The following FSTL5 variants were observed in gnomAD, a reference collection of about 807,000 sequenced individuals.
FSTL5 encodes the protein follistatin like 5.
A neutral mutation model predicts 89.1 loss-of-function variants in FSTL5; 62 were observed. The ratio of observed to expected loss-of-function variants is 0.70; its 90% CI spans 0.57 to 0.86. The LOEUF (loss-of-function observed/expected upper bound fraction) is 0.86, where lower values mean the gene tolerates loss of function less well. Ranked by LOEUF, FSTL5 falls within the 40% of genes least tolerant of loss-of-function variation. FSTL5 has a pLI of 0.00. For synonymous variants in FSTL5, 383 were observed against 346.2 expected (o/e 1.11, Z -1.18); for missense variants, 1,057 against 1,001.6 (o/e 1.06, Z -0.75).
At chr4:161,665,053 A>G (rs1736839006) in intron 6 of FSTL5, 1 of 152,386 alleles carries the variant, frequency 6.6e-6, no homozygotes, top group African/African-American at 2.4e-5. Flanking sequence ...AGATACAATT[A>G]AAGTTGAGAT....
intron 6 of FSTL5, among the ~76,000 whole-genome samples, chr4:161,667,984 C>A (rs1004919878): frequency 4.6e-5 from 7 of 151,168 alleles, no homozygotes; most frequent in Non-Finnish European, 7.4e-5. Flanking sequence ...ATAAAAAGAG[C>A]AAATTAAATC....
At chr4:161,990,808 T>G (rs1221848618) in intron 3 of FSTL5, among the ~76,000 whole-genome samples, 1 of 152,160 alleles carries the variant, frequency 6.6e-6, no homozygotes, top group Non-Finnish European at 1.5e-5. Flanking sequence ...ACTCCTGAAC[T>G]CTCTCTATTA....
At chr4:161,909,437 G>A (rs770285604) in intron 4 of FSTL5, among the ~76,000 whole-genome samples, 2 of 152,040 alleles carry the variant, frequency 1.3e-5, no homozygotes, top group Non-Finnish European at 2.9e-5. Flanking sequence ...ACACCACCGT[G>A]GAAGTCTATT....
At position 161,569,916 on chromosome 4, in the gene FSTL5, CAGA is replaced by C. The variant is rs1560958302; in HGVS notation, c.1015+17536_1015+17538del. On this transcript the variant is annotated intron_variant, in intron 8 of 15. Coordinates refer to ENST00000306100, the MANE Select transcript of FSTL5 (RefSeq NM_020116.5). ...GAGTTGGGGCCTAGCAATCTAACAA[CAGA>C]AGAACATGAAAAACCTCAGGGAGGG... is the stretch of plus-strand genomic sequence containing the variant. 3.9e-5 allele frequency among the ~76,000 whole-genome samples: 6 copies of C among 151,996 alleles called. No individual in the cohort carries two copies. In the South Asian group the frequency reaches 1.2e-3, roughly 32 times the overall value.
chr4:161,950,933 G>C (rs985155953), intron 3 of FSTL5, among the ~76,000 whole-genome samples: 2 of 151,878 alleles, frequency 1.3e-5, no homozygotes, highest in Non-Finnish European at 2.9e-5. Context: ...ATTACTACTT[G>C]ATATGGTTTG....
chr4:161,866,483 T>TGTGTGC (rs1553973511), intron 4 of FSTL5, among the ~76,000 whole-genome samples: 5 of 150,632 alleles, frequency 3.3e-5, no homozygotes, highest in Non-Finnish European at 7.4e-5. Flanking sequence ...TGTGTGTGTG[T>TGTGTGC]GTGTGTGTGT....
intron 7 of FSTL5, among the ~76,000 whole-genome samples, chr4:161,603,068 C>G (rs1734305810): frequency 6.6e-6 from 1 of 151,926 alleles, no homozygotes; most frequent in East Asian, 1.9e-4. Flanking sequence ...ATAACAACAA[C>G]AGGAAAAAAG....
At chr4:161,402,173 A>G (rs1286921099) in intron 15 of FSTL5, among the ~76,000 whole-genome samples, 1 of 152,208 alleles carries the variant, frequency 6.6e-6, no homozygotes, top group Non-Finnish European at 1.5e-5. Context: ...AAAATGAAAC[A>G]CAAACGCACA....
At chr4:161,964,006 T>A (rs914363443) in intron 3 of FSTL5, among the ~76,000 whole-genome samples, 4 of 151,966 alleles carry the variant, frequency 2.6e-5, no homozygotes, top group African/African-American at 9.7e-5. Flanking sequence ...TCAGATAATA[T>A]AATAAAAAGT....
intron 2 of FSTL5, among the ~76,000 whole-genome samples, chr4:162,102,715 A>T (rs924694755): frequency 4.8e-5 from 7 of 145,312 alleles, no homozygotes; most frequent in Non-Finnish European, 1.1e-4. Context: ...ATATTTATAT[A>T]TATTTATTTA....
chr4:161,963,637 G>T (rs1735242472), intron 3 of FSTL5, among the ~76,000 whole-genome samples: 1 of 151,878 alleles, frequency 6.6e-6, no homozygotes, highest in Admixed American at 6.6e-5. Flanking sequence ...TCTTTTCTGA[G>T]TAATTGATGC....
At chr4:162,081,583 A>C (rs1730100122) in intron 2 of FSTL5, among the ~76,000 whole-genome samples, 1 of 151,702 alleles carries the variant, frequency 6.6e-6, no homozygotes, top group African/African-American at 2.4e-5. Context: ...ATGGGAATCA[A>C]GCCATAGAAA....
At chr4:161,689,984 GT>G (rs2126718255) in intron 6 of FSTL5, among the ~76,000 whole-genome samples, 1 of 152,102 alleles carries the variant, frequency 6.6e-6, no homozygotes, top group Non-Finnish European at 1.5e-5. Flanking sequence ...TATTTCATTT[GT>G]TTTCATGGCT....
intron 6 of FSTL5, among the ~76,000 whole-genome samples, chr4:161,676,184 C>G (rs1278371212): frequency 6.6e-6 from 1 of 152,038 alleles, no homozygotes; most frequent in Admixed American, 6.6e-5. Context: ...TATGATTAAA[C>G]TACCAAACAT....
Position 161,947,676 on chromosome 4 carries a change from A to T in FSTL5, c.161-27024T>A, listed in dbSNP as rs573966550. 7.2e-3 allele frequency among the ~76,000 whole-genome samples: 1,095 copies of T among 152,164 alleles called. 16 individuals are homozygous for T. The highest frequency in any genetic ancestry group is 0.025 in the African/African-American group (1,048 of 41,512). ...AATCATTTTCTTTTATTTCTTCATT[A>T]TATGTTTTTCAGAATACTTTGGGCT... On this transcript the variant is annotated intron_variant, in intron 3 of 15. Transcript: ENST00000306100.
In FSTL5 at chr4:161,920,368, G is replaced by C. The variant is rs145985591; in HGVS notation, c.409+36C>G. 363 of 1,593,578 alleles carry C rather than the reference G, an allele frequency of 2.3e-4. No homozygotes were observed. In the African/African-American group the frequency reaches 3.9e-3, roughly 17 times the overall value. On this transcript the variant is annotated intron_variant, in intron 4 of 15. Transcript: ENST00000306100. ...CACTAGTTGAGAAAGAAAAGAAATA[G>C]AGTGGGGTGACACTTAAGGTTCACC...
chr4:161,860,250 T>A (rs943339624), intron 4 of FSTL5, among the ~76,000 whole-genome samples: 8 of 151,986 alleles, frequency 5.3e-5, no homozygotes, highest in South Asian at 2.1e-4. Context: ...ATCGCGCCAC[T>A]GCACTCCAGC....
chr4:161,598,143 G>A (rs543651050), intron 7 of FSTL5, among the ~76,000 whole-genome samples: 84 of 152,190 alleles, frequency 5.5e-4, no homozygotes, highest in Admixed American at 3.1e-3. Context: ...AGGTTGAGGC[G>A]GGTAGATCTC....
At chr4:161,936,281 G>A (rs1734430443) in intron 3 of FSTL5, among the ~76,000 whole-genome samples, 2 of 152,146 alleles carry the variant, frequency 1.3e-5, no homozygotes, top group South Asian at 4.1e-4. Context: ...CATAATCTAA[G>A]TGTGTGTATG....
Sources: gnomAD v4.1 joint callset for allele counts (sites outside exome capture counted in the v4.1 genomes callset) on GRCh38, gnomAD v4.1.1 for gene constraint, MANE v1.5 for transcripts, NCBI Gene and HGNC (gene_info 2026-07-23, HGNC 2026-07-21) for gene names.